PTPRK: variants seen among roughly 807,000 people sequenced by gnomAD.
PTPRK encodes the protein receptor-type tyrosine-protein phosphatase kappa.
PTPRK carries 75 observed loss-of-function variants against 178.0 expected under a neutral mutation model. That is an observed-to-expected ratio of 0.42 (90% confidence interval 0.35 to 0.51). PTPRK has a LOEUF of 0.51. Among genes scored for constraint, PTPRK ranks in the 20% least tolerant of loss-of-function variants. The probability of loss-of-function intolerance (pLI) is 0.02; values close to 1 mark genes in which losing one functional copy is unlikely to be tolerated. For synonymous variants in PTPRK, 637 were observed against 620.6 expected (o/e 1.03, Z -0.39); for missense variants, 1,441 against 1,797.8 (o/e 0.80, Z 3.59).
At chr6:128,104,746 T>C (rs1789400916) in intron 7 of PTPRK, among the ~76,000 whole-genome samples, 1 of 152,180 alleles carries the variant, frequency 6.6e-6, no homozygotes, top group Non-Finnish European at 1.5e-5. Flanking sequence ...CTTTATAAAA[T>C]GAGATTTAAA....
intron 2 of PTPRK, among the ~76,000 whole-genome samples, chr6:128,330,552 G>A (rs932935476): frequency 6.6e-5 from 10 of 151,672 alleles, no homozygotes; most frequent in South Asian, 6.2e-4. Flanking sequence ...ATCCATTCAC[G>A]TCTCTTCATA....
chr6:128,423,593 G>A (rs2128388412), intron 1 of PTPRK, among the ~76,000 whole-genome samples: 1 of 152,174 alleles, frequency 6.6e-6, no homozygotes, highest in South Asian at 2.1e-4. Context: ...ACTTTGGGAG[G>A]CAGAGGCGGG....
At position 128,034,792 on chromosome 6, in the gene PTPRK, G is replaced by A. The variant is rs1415368226; in HGVS notation, c.2195-25524C>T. On this transcript the variant is annotated intron_variant, in intron 13 of 29. Transcript: ENST00000368226. ...GATTTGATGACTGAAACATCAATTG[G>A]TGTTATGTCAAGTATATAAGTCCTT... 3.9e-5 allele frequency among the ~76,000 whole-genome samples: 6 copies of A among 152,152 alleles called. No homozygotes were observed. The South Asian group carries it at 1.0e-3, about 26-fold the overall frequency.
At chr6:128,361,140 A>C (rs1834684128) in intron 2 of PTPRK, among the ~76,000 whole-genome samples, 1 of 152,140 alleles carries the variant, frequency 6.6e-6, no homozygotes, top group African/African-American at 2.4e-5. Flanking sequence ...GATTCCAGAA[A>C]TTACTGCAAC....
At chr6:128,129,536 C>A (rs1041966968) in intron 7 of PTPRK, among the ~76,000 whole-genome samples, 1 of 151,958 alleles carries the variant, frequency 6.6e-6, no homozygotes, top group African/African-American at 2.4e-5. Flanking sequence ...CTACCTTCAA[C>A]AACAACAACA....
chr6:128,120,096 T>A (rs1401834746), intron 7 of PTPRK, among the ~76,000 whole-genome samples: 1 of 151,990 alleles, frequency 6.6e-6, no homozygotes, highest in Non-Finnish European at 1.5e-5. Context: ...TCCCTGTAAC[T>A]TTTCAATTTG....
chr6:128,502,525 T>A (rs1208566402), intron 1 of PTPRK, among the ~76,000 whole-genome samples: 2 of 152,180 alleles, frequency 1.3e-5, no homozygotes, highest in Admixed American at 1.3e-4. Flanking sequence ...AAGAGGATTA[T>A]CTCACTGGAT....
chr6:128,430,905 T>C (rs544471756), intron 1 of PTPRK, among the ~76,000 whole-genome samples: 29 of 151,690 alleles, frequency 1.9e-4, no homozygotes, highest in African/African-American at 6.8e-4. Context: ...TTTAAAGAAA[T>C]CTTTATTAGT....
chr6:128,391,452 T>C (rs1314465825), intron 2 of PTPRK, among the ~76,000 whole-genome samples: 2 of 152,184 alleles, frequency 1.3e-5, no homozygotes, highest in African/African-American at 2.4e-5. Context: ...AATACAAAAC[T>C]AGCGATAATA....
At chr6:128,488,362 G>A (rs761875697) in intron 1 of PTPRK, among the ~76,000 whole-genome samples, 3 of 152,022 alleles carry the variant, frequency 2.0e-5, no homozygotes, top group Non-Finnish European at 4.4e-5. Context: ...TGACTCAAAC[G>A]TTCATATGCT....
At position 128,422,423 on chromosome 6, in the gene PTPRK, G is replaced by A. The variant is rs145207341; in HGVS notation, c.101-24735C>T. Among the ~76,000 whole-genome samples, 306 of 152,226 alleles carry A rather than the reference G, an allele frequency of 2.0e-3. 1 individual carries two copies. Among genetic ancestry groups the A allele is most frequent in the African/African-American group, 6.9e-3 (287 of 41,538 alleles). On this transcript the variant is annotated intron_variant, in intron 1 of 29. Transcript: ENST00000368226. ...TGAGATGAAGATATCATTGGGGTCT[G>A]TGTCACATTTCTAGTTGTTCCAGAG... is the stretch of plus-strand genomic sequence containing the variant.
intron 2 of PTPRK, among the ~76,000 whole-genome samples, chr6:128,392,257 A>G (rs149731709): frequency 5.3e-4 from 81 of 152,220 alleles, no homozygotes; most frequent in African/African-American, 1.9e-3. Context: ...TTTAACAACA[A>G]AGGGCTTTCA....
intron 2 of PTPRK, among the ~76,000 whole-genome samples, chr6:128,372,214 GA>G (rs1255314089): frequency 6.6e-6 from 1 of 152,144 alleles, no homozygotes. Flanking sequence ...GAGTTTTTCA[GA>G]AATAGGTCTG....
At chr6:128,244,451 A>T (rs1815089191) in intron 3 of PTPRK, among the ~76,000 whole-genome samples, 1 of 152,182 alleles carries the variant, frequency 6.6e-6, no homozygotes, top group Non-Finnish European at 1.5e-5. Flanking sequence ...AGCGGATATA[A>T]AGCCAACATC....
intron 1 of PTPRK, among the ~76,000 whole-genome samples, chr6:128,472,447 T>G: frequency 7.6e-6 from 1 of 131,516 alleles, no homozygotes. Flanking sequence ...CTTAGGGAAC[T>G]CCCTGAATTT....
chr6:128,088,981 A>G (rs1238800305), intron 8 of PTPRK, among the ~76,000 whole-genome samples: 1 of 152,080 alleles, frequency 6.6e-6, no homozygotes, highest in African/African-American at 2.4e-5. Flanking sequence ...TTTTTCCTTG[A>G]GACGGAGTTT....
At position 128,384,224 on chromosome 6, in the gene PTPRK, A is replaced by G. The variant is rs141439909; in HGVS notation, c.223+13342T>C. Among the ~76,000 whole-genome samples, 302 of 152,310 alleles carry G rather than the reference A, an allele frequency of 2.0e-3. 1 individual carries two copies. Among genetic ancestry groups the G allele is most frequent in the African/African-American group, 7.1e-3 (294 of 41,572 alleles). ...GGTTGAAGGGGGACTTCTCATAGAT[A>G]TGTTCCACACGCACGATAGTCCACA... On this transcript the variant is annotated intron_variant, in intron 2 of 29. Coordinates refer to ENST00000368226, the MANE Select transcript of PTPRK (RefSeq NM_002844.4).
At chr6:128,111,761 C>T (rs2114339740) in intron 7 of PTPRK, among the ~76,000 whole-genome samples, 1 of 152,182 alleles carries the variant, frequency 6.6e-6, no homozygotes, top group African/African-American at 2.4e-5. Context: ...ATATCTTCTC[C>T]ATGCTCAGTT....
At chr6:128,216,559 G>A (rs1809347134) in intron 6 of PTPRK, among the ~76,000 whole-genome samples, 3 of 148,356 alleles carry the variant, frequency 2.0e-5, no homozygotes, top group Non-Finnish European at 3.0e-5. Flanking sequence ...AAAAAAAAAA[G>A]GTCAAAATTT....
Sources: allele counts gnomAD v4.1 joint callset (sites outside exome capture counted in the v4.1 genomes callset), GRCh38; gene constraint gnomAD v4.1.1; transcripts MANE v1.5; gene names NCBI Gene and HGNC (gene_info 2026-07-23, HGNC 2026-07-21).